Variants in DISP1 observed in about 807,000 individuals in gnomAD.
The protein encoded by DISP1 is dispatched RND transporter family member 1.
Under a neutral mutation model 37.3 loss-of-function variants are expected in DISP1, and 30 were observed. That is an observed-to-expected ratio of 0.80 (90% confidence interval 0.60 to 1.09). DISP1 has a LOEUF of 1.09. Among genes scored for constraint, DISP1 ranks in the 50% least tolerant of loss-of-function variants. The pLI, the probability that DISP1 is intolerant of heterozygous loss-of-function variation, is 0.00. For synonymous variants in DISP1, 634 were observed against 690.2 expected (o/e 0.92, Z 1.28); for missense variants, 1,598 against 1,879.5 (o/e 0.85, Z 2.77).
chr1:222,830,387 C>T (rs1665441059), intron 1 of DISP1, among the ~76,000 whole-genome samples: 1 of 151,730 alleles, frequency 6.6e-6, no homozygotes, highest in Non-Finnish European at 1.5e-5. Flanking sequence ...CTTCCACCTT[C>T]CTTTTTTTTT....
intron 8 of DISP1, among the ~76,000 whole-genome samples, chr1:223,001,922 C>T: frequency 6.6e-6 from 1 of 152,210 alleles, no homozygotes; most frequent in Non-Finnish European, 1.5e-5. Flanking sequence ...CCAACAATTT[C>T]ATGCTGATAA....
At chr1:222,864,356 A>T (rs951317222) in intron 1 of DISP1, among the ~76,000 whole-genome samples, 1 of 152,218 alleles carries the variant, frequency 6.6e-6, no homozygotes, top group Non-Finnish European at 1.5e-5. Flanking sequence ...CACTGCTGTG[A>T]CCAATGCTTG....
At chr1:222,849,245 A>G (rs1272966951) in intron 1 of DISP1, among the ~76,000 whole-genome samples, 1 of 152,216 alleles carries the variant, frequency 6.6e-6, no homozygotes, top group Admixed American at 6.5e-5. Flanking sequence ...CACACCTGTG[A>G]CAAGATTATT....
At chr1:222,851,754 A>G (rs1668248437) in intron 1 of DISP1, among the ~76,000 whole-genome samples, 1 of 151,116 alleles carries the variant, frequency 6.6e-6, no homozygotes, top group Admixed American at 6.6e-5. Context: ...GGCCAGCTCA[A>G]TTTAAAACAA....
At chr1:222,936,990 AATAT>A (rs1338739105) in intron 2 of DISP1, among the ~76,000 whole-genome samples, 1 of 69,692 alleles carries the variant, frequency 1.4e-5, no homozygotes, top group Non-Finnish European at 3.1e-5. Flanking sequence ...TAATATATAT[AATAT>A]TATATAATAT....
intron 3 of DISP1, among the ~76,000 whole-genome samples, chr1:222,946,944 C>G (rs1465699701): frequency 6.6e-6 from 1 of 152,144 alleles, no homozygotes; most frequent in African/African-American, 2.4e-5. Flanking sequence ...AAGGCAATCT[C>G]TAGATTTCAT....
chr1:223,002,950 T>C lies in DISP1; in HGVS notation c.1553T>C (p.Met518Thr). 1 of 1,614,012 alleles carries C rather than the reference T, an allele frequency of 6.2e-7. No individual in the cohort carries two copies. The highest frequency in any genetic ancestry group is 1.3e-5 in the African/African-American group (1 of 75,076). The stretch of plus-strand genomic sequence containing the variant: ...GCCATTGTGATTGTCCTTTTAGTTA[T>C]GTGTGTCTACACCAAGTCCATGTTT... ...AIAIVIVLLVMCVYTKSMFIT... is the reference protein window; with the variant it reads ...AIAIVIVLLVTCVYTKSMFIT... Residue 518 changes from methionine to threonine, a missense_variant, in exon 9 of 9, where the codon ATG becomes ACG. Met to Thr is a moderately conservative substitution (Grantham distance 81, BLOSUM62 -1). Coordinates refer to ENST00000675850, the MANE Select transcript of DISP1 (RefSeq NM_001377229.1).
At chr1:222,923,402 A>T (rs1487764237) in intron 1 of DISP1, among the ~76,000 whole-genome samples, 1 of 152,178 alleles carries the variant, frequency 6.6e-6, no homozygotes, top group Non-Finnish European at 1.5e-5. Flanking sequence ...ATTTAATATG[A>T]ATCAATTTAA....
intron 3 of DISP1, among the ~76,000 whole-genome samples, chr1:222,977,534 C>CTTTTTTT (rs35860006): frequency 7.6e-6 from 1 of 132,346 alleles, no homozygotes; most frequent in African/African-American, 2.7e-5. Flanking sequence ...TTTTTAAATT[C>CTTTTTTT]TTTTTTTTTT....
Position 222,894,680 on chromosome 1 carries a change from G to A in DISP1, c.-158-33750G>A, listed in dbSNP as rs553166036. On this transcript the variant is annotated intron_variant, in intron 1 of 8. Transcript: ENST00000675850. Reference sequence around the variant, plus strand: ...GCTGGGTGGCTGTAGCTGCGCCTGGGAGCATGGGGCTCCTGCTTTGCCAAT... The same window carrying A: ...GCTGGGTGGCTGTAGCTGCGCCTGGAAGCATGGGGCTCCTGCTTTGCCAAT... Among the ~76,000 whole-genome samples the A allele has an allele frequency of 8.5e-4, 130 of 152,270 alleles. 4 individuals carry two copies. The highest frequency in any genetic ancestry group is 6.8e-3 in the Middle Eastern group (2 of 292).
chr1:222,889,468 C>G (rs1465935369), intron 1 of DISP1, among the ~76,000 whole-genome samples: 1 of 151,916 alleles, frequency 6.6e-6, no homozygotes, highest in Non-Finnish European at 1.5e-5. Context: ...AACAGTAGCA[C>G]TTGGGATAAT....
chr1:222,832,284 T>A (rs929506767), intron 1 of DISP1, among the ~76,000 whole-genome samples: 1 of 152,146 alleles, frequency 6.6e-6, no homozygotes, highest in Non-Finnish European at 1.5e-5. Flanking sequence ...CCTGATTTAC[T>A]ACTTGTTGGC....
intron 1 of DISP1, among the ~76,000 whole-genome samples, chr1:222,919,796 G>A (rs1027672149): frequency 1.3e-5 from 2 of 152,082 alleles, no homozygotes; most frequent in East Asian, 3.8e-4. Flanking sequence ...TGTTTTCTAC[G>A]TTAGAGCTTG....
intron 2 of DISP1, among the ~76,000 whole-genome samples, chr1:222,933,117 A>AG (rs1401431095): frequency 6.6e-6 from 1 of 151,922 alleles, no homozygotes; most frequent in Non-Finnish European, 1.5e-5. Context: ...TGCTTTCCAA[A>AG]GGTAGGGCTT....
chr1:222,895,155 G>A (rs748348303), intron 1 of DISP1, among the ~76,000 whole-genome samples: 2 of 152,172 alleles, frequency 1.3e-5, no homozygotes, highest in Non-Finnish European at 2.9e-5. Flanking sequence ...ATTGTGATGG[G>A]CAAAGGGCAG....
intron 3 of DISP1, among the ~76,000 whole-genome samples, chr1:222,948,596 C>A (rs1221827861): frequency 3.3e-5 from 5 of 152,062 alleles, no homozygotes; most frequent in Non-Finnish European, 7.4e-5. Context: ...AACTTCAAGT[C>A]TTTTTAGTTT....
chr1:222,888,582 G>A (rs1670771565), intron 1 of DISP1, among the ~76,000 whole-genome samples: 1 of 152,086 alleles, frequency 6.6e-6, no homozygotes, highest in Admixed American at 6.5e-5. Context: ...GGGAGAAGCT[G>A]TATTAAATTT....
chr1:222,910,764 G>A (rs1487633846), intron 1 of DISP1, among the ~76,000 whole-genome samples: 1 of 152,188 alleles, frequency 6.6e-6, no homozygotes, highest in African/African-American at 2.4e-5. Flanking sequence ...AAATTTAGGT[G>A]TACCTTGAAG....
chr1:222,831,432 T>C (rs1200026886), intron 1 of DISP1, among the ~76,000 whole-genome samples: 1 of 152,216 alleles, frequency 6.6e-6, no homozygotes, highest in Non-Finnish European at 1.5e-5. Flanking sequence ...TAAGGAACTA[T>C]GTTTGATGCT....
Sources: gnomAD v4.1 joint callset for allele counts (sites outside exome capture counted in the v4.1 genomes callset) on GRCh38, gnomAD v4.1.1 for gene constraint, MANE v1.5 for transcripts, NCBI Gene and HGNC (gene_info 2026-07-23, HGNC 2026-07-21) for gene names.